ROBO2: variants seen among roughly 807,000 people sequenced by gnomAD.
The protein encoded by ROBO2 is roundabout homolog 2.
Under a neutral mutation model 160.8 loss-of-function variants are expected in ROBO2, and 53 were observed. The ratio of observed to expected loss-of-function variants is 0.33; its 90% CI spans 0.26 to 0.41. ROBO2 has a LOEUF of 0.41. ROBO2 is among the 10% of genes least tolerant of loss of function. ROBO2 has a pLI of 1.00. For missense variants in ROBO2, 1,577 were observed against 1,722.4 expected, an observed-to-expected ratio of 0.92 and a Z score of 1.49; for synonymous variants, 664 against 611.7, an observed-to-expected ratio of 1.09 and a Z score of -1.26.
chr3:77,605,570 G>A lies in ROBO2; in HGVS notation c.3137-2228G>A, dbSNP rs540509759. ...CACATATTTCTTCTATGAATCACCC[G>A]TTTCCCAAATAGATTTTTAAATCTG... is the stretch of plus-strand genomic sequence containing the variant. On this transcript the variant is annotated intron_variant, in intron 20 of 25. Coordinates refer to ENST00000461745, the Ensembl canonical transcript of ROBO2. Among the ~76,000 whole-genome samples, 13 of 152,258 alleles carry A rather than the reference G, an allele frequency of 8.5e-5. No individual in the cohort carries two copies. In the East Asian group the frequency reaches 1.4e-3, roughly 16 times the overall value.
chr3:76,574,266 T>C (rs541328890), intron 2 of ROBO2, among the ~76,000 whole-genome samples: 2 of 152,078 alleles, frequency 1.3e-5, no homozygotes, highest in African/African-American at 4.8e-5. Flanking sequence ...ACCAGTAAAA[T>C]ATAGAAAATA....
At chr3:76,384,515 G>A (rs936489957) in intron 2 of ROBO2, among the ~76,000 whole-genome samples, 13 of 152,126 alleles carry the variant, frequency 8.5e-5, no homozygotes, top group African/African-American at 2.4e-5. Context: ...CCGAAATTTT[G>A]GTATTAGTGT....
intron 2 of ROBO2, among the ~76,000 whole-genome samples, chr3:76,399,168 T>G (rs1652293262): frequency 1.3e-5 from 2 of 151,624 alleles, no homozygotes; most frequent in Non-Finnish European, 3.0e-5. Context: ...AAACAAAATT[T>G]TTTATATTGT....
intron 2 of ROBO2, among the ~76,000 whole-genome samples, chr3:76,028,153 A>T (rs1378403589): frequency 6.6e-6 from 1 of 151,970 alleles, no homozygotes; most frequent in Non-Finnish European, 1.5e-5. Flanking sequence ...CCTTTCTCAG[A>T]TGAGAAGAAA....
intron 2 of ROBO2, among the ~76,000 whole-genome samples, chr3:76,712,672 C>T (rs891057078): frequency 6.7e-6 from 1 of 150,192 alleles, no homozygotes; most frequent in Admixed American, 6.6e-5. Flanking sequence ...GAGATGCCGT[C>T]TCAAAAAAAA....
intron 6 of ROBO2, among the ~76,000 whole-genome samples, chr3:77,531,048 C>G (rs965325191): frequency 2.6e-5 from 4 of 151,972 alleles, no homozygotes; most frequent in African/African-American, 7.2e-5. Flanking sequence ...TGGAAAGGAA[C>G]TGTGGAATCT....
At position 77,241,887 on chromosome 3, in the gene ROBO2, G is replaced by A. The variant is rs572021072; in HGVS notation, c.388+143547G>A. Among the ~76,000 whole-genome samples the A allele has an allele frequency of 1.2e-4, 18 of 152,234 alleles. No homozygotes were observed. In the South Asian group the frequency reaches 3.7e-3, roughly 32 times the overall value. On this transcript the variant is annotated intron_variant, in intron 2 of 25. Coordinates refer to ENST00000461745, the Ensembl canonical transcript of ROBO2. ...AATCTAAAACACCAAGTGCATAAAG[G>A]AATCAAAAGTCGGAAGCTTTGACCA... is the stretch of plus-strand genomic sequence containing the variant.
In ROBO2 at chr3:76,199,069, A is replaced by G. The variant is rs140241807; in HGVS notation, c.109+261467A>G. Among the ~76,000 whole-genome samples, 209 of 152,214 alleles carry G rather than the reference A, an allele frequency of 1.4e-3. 2 individuals are homozygous for G. The highest frequency in any genetic ancestry group is 4.8e-3 in the African/African-American group (198 of 41,550). On this transcript the variant is annotated intron_variant, in intron 2 of 26. Transcript: ENST00000487694. ...TTTACAATGTTTGGCTTTTTTCATCAACATCACCCTGTACTTACAGGGCCT... is the reference window on the plus strand; with the variant it reads ...TTTACAATGTTTGGCTTTTTTCATCGACATCACCCTGTACTTACAGGGCCT...
intron 2 of ROBO2, among the ~76,000 whole-genome samples, chr3:76,064,407 A>G (rs1260516112): frequency 6.6e-6 from 1 of 152,164 alleles, no homozygotes; most frequent in East Asian, 1.9e-4. Flanking sequence ...TCGAGGAGTC[A>G]GCAGTGAACC....
intron 2 of ROBO2, among the ~76,000 whole-genome samples, chr3:76,249,634 G>A (rs966291099): frequency 5.3e-5 from 8 of 152,116 alleles, no homozygotes; most frequent in Non-Finnish European, 1.0e-4. Context: ...CATGTTTGAT[G>A]AGCGTGGTCA....
At chr3:77,242,703 C>G (rs191055056) in intron 2 of ROBO2, among the ~76,000 whole-genome samples, 15 of 151,794 alleles carry the variant, frequency 9.9e-5, no homozygotes, top group Admixed American at 9.2e-4. Context: ...AGGAGATAGT[C>G]TTTAACATGT....
chr3:77,432,992 C>T (rs961451381), intron 2 of ROBO2, among the ~76,000 whole-genome samples: 2 of 152,098 alleles, frequency 1.3e-5, no homozygotes, highest in Admixed American at 6.5e-5. Context: ...TCAAGTTCAC[C>T]GCAGAGGTGA....
intron 2 of ROBO2, among the ~76,000 whole-genome samples, chr3:77,249,429 A>G (rs1363134681): frequency 2.0e-5 from 3 of 152,230 alleles, no homozygotes; most frequent in Non-Finnish European, 2.9e-5. Flanking sequence ...GCATCCAGTA[A>G]GAACAAAGTT....
intron 2 of ROBO2, among the ~76,000 whole-genome samples, chr3:75,986,562 T>A (rs1399457587): frequency 6.6e-6 from 1 of 151,718 alleles, no homozygotes; most frequent in Non-Finnish European, 1.5e-5. Context: ...GTACAGTTTT[T>A]AATTTTTTTC....
chr3:76,255,590 A>T (rs1706304216), intron 2 of ROBO2, among the ~76,000 whole-genome samples: 1 of 151,642 alleles, frequency 6.6e-6, no homozygotes, highest in Non-Finnish European at 1.5e-5. Flanking sequence ...CTACTATTTT[A>T]CTATGCAAAA....
chr3:77,315,886 A>AT (rs58618844), intron 2 of ROBO2, among the ~76,000 whole-genome samples: 12,524 of 150,072 alleles, frequency 0.083, 1,010 homozygotes, highest in African/African-American at 0.21. Context: ...ATTGCCCAGC[A>AT]TTTTTTTTTT....
rs114014547 is a variant in ROBO2, at chr3:76,873,563, T to C, written c.110-224451T>C. The stretch of plus-strand genomic sequence containing the variant: ...TCTTAAGGAAGTTAGTAGTTAGTAG[T>C]AGTAGTAGTAGTCGTCGTCGTCGTC... On this transcript the variant is annotated intron_variant, in intron 2 of 26. Transcript: ENST00000487694. Among the ~76,000 whole-genome samples the C allele has an allele frequency of 5.7e-3, 862 of 152,222 alleles. 10 individuals are homozygous for C. Among genetic ancestry groups the C allele is most frequent in the Middle Eastern group, 0.017 (5 of 294 alleles).
rs1161579651 is a variant in ROBO2 at position 76,657,662 on chromosome 3, ATATGTGTATATATATACATATATG to A, written c.110-440350_110-440327del. On this transcript the variant is annotated intron_variant, in intron 2 of 26. Transcript: ENST00000487694. ...TATATATGTGTATATATATTCATAT[ATATGTGTATATATATACATATATG>A]TGTGTATATATATTCATATATGTGT... 3.8e-3 allele frequency among the ~76,000 whole-genome samples: 529 copies of A among 138,402 alleles called. 3 individuals carry two copies. Among genetic ancestry groups the A allele is most frequent in the African/African-American group, 0.015 (497 of 33,688 alleles). The allele number at this position is 138,402 out of a possible 152,430, so 90.8% of individuals were successfully genotyped here.
intron 2 of ROBO2, among the ~76,000 whole-genome samples, chr3:77,032,027 T>C (rs2063356328): frequency 6.6e-6 from 1 of 152,200 alleles, no homozygotes; most frequent in African/African-American, 2.4e-5. Context: ...CCAAGGTTTC[T>C]TTTATGAGGA....
Sources: allele counts gnomAD v4.1 joint callset (sites outside exome capture counted in the v4.1 genomes callset), GRCh38; gene constraint gnomAD v4.1.1; transcripts MANE v1.5; gene names NCBI Gene and HGNC (gene_info 2026-07-23, HGNC 2026-07-21).